DLG2: variants seen among roughly 807,000 people sequenced by gnomAD.
DLG2 encodes the protein discs large MAGUK scaffold protein 2, also known as disks large homolog 2.
DLG2 carries 45 observed loss-of-function variants against 132.5 expected under a neutral mutation model. That is an observed-to-expected ratio of 0.34 (90% confidence interval 0.27 to 0.44). The LOEUF is 0.44. DLG2 is among the 20% of genes least tolerant of loss of function. The pLI is 1.00. For missense variants in DLG2, 1,045 were observed against 1,196.9 expected (o/e 0.87, Z 1.87); for synonymous variants, 424 against 419.6 (o/e 1.01, Z -0.13).
At chr11:85,437,959 A>T (rs1164163722) in intron 3 of DLG2, among the ~76,000 whole-genome samples, 1 of 152,210 alleles carries the variant, frequency 6.6e-6, no homozygotes, top group Non-Finnish European at 1.5e-5. Context: ...CCTGATGCTG[A>T]GTAATTTATA....
chr11:85,242,850 T>C (rs890605851), intron 4 of DLG2, among the ~76,000 whole-genome samples: 2 of 151,992 alleles, frequency 1.3e-5, no homozygotes, highest in African/African-American at 4.8e-5. Context: ...TCCTTTTAAG[T>C]GTTTATGCTC....
intron 19 of DLG2, among the ~76,000 whole-genome samples, chr11:83,576,944 G>A (rs2096882633): frequency 6.6e-6 from 1 of 152,174 alleles, no homozygotes; most frequent in East Asian, 1.9e-4. Flanking sequence ...AATACTGAGT[G>A]TCAACTTGAT....
chr11:85,455,369 A>C lies in DLG2; in HGVS notation c.40+143288T>G, dbSNP rs533450486. On this transcript the variant is annotated intron_variant, in intron 3 of 27. Transcript: ENST00000376104. ...GAATGCTACAAATTTCTGTACATTG[A>C]TTTTGTATCCCAAAACTTTGCTGAA... 5.9e-5 allele frequency among the ~76,000 whole-genome samples: 9 copies of C among 152,268 alleles called. No homozygotes were observed. The East Asian group carries it at 1.7e-3, about 29-fold the overall frequency.
At chr11:84,910,974 G>T (rs1268176603) in intron 6 of DLG2, among the ~76,000 whole-genome samples, 1 of 152,100 alleles carries the variant, frequency 6.6e-6, no homozygotes, top group Non-Finnish European at 1.5e-5. Context: ...TAGATGGCAG[G>T]GTCTGGAAGG....
chr11:85,224,913 G>A (rs556280747), intron 4 of DLG2, among the ~76,000 whole-genome samples: 4 of 152,218 alleles, frequency 2.6e-5, no homozygotes, highest in East Asian at 3.9e-4. Context: ...ATTGGATAAT[G>A]TTACCCTACC....
chr11:83,525,786 G>A (rs2095594170), intron 21 of DLG2, among the ~76,000 whole-genome samples: 1 of 152,162 alleles, frequency 6.6e-6, no homozygotes, highest in South Asian at 2.1e-4. Context: ...TTTCTTTCGA[G>A]GGCAGTAATG....
intron 3 of DLG2, among the ~76,000 whole-genome samples, chr11:85,351,066 G>C (rs1019664943): frequency 6.6e-6 from 1 of 152,156 alleles, no homozygotes; most frequent in African/African-American, 2.4e-5. Flanking sequence ...CCATTTGTTT[G>C]TGTCCTCTTT....
chr11:85,548,888 G>A (rs1446801289), intron 3 of DLG2, among the ~76,000 whole-genome samples: 1 of 152,190 alleles, frequency 6.6e-6, no homozygotes, highest in Admixed American at 6.5e-5. Flanking sequence ...TGTGCTAGCA[G>A]TGAGAATTTC....
intron 6 of DLG2, among the ~76,000 whole-genome samples, chr11:85,041,316 A>G (rs1291107042): frequency 2.6e-5 from 4 of 151,958 alleles, no homozygotes; most frequent in East Asian, 1.9e-4. Context: ...ACTTATGAAA[A>G]TAAGTGCCTC....
intron 19 of DLG2, among the ~76,000 whole-genome samples, chr11:83,629,474 T>A (rs1023440072): frequency 2.0e-5 from 3 of 152,178 alleles, no homozygotes; most frequent in Non-Finnish European, 4.4e-5. Flanking sequence ...ATTTGCTTTT[T>A]TTCCTTGCCC....
chr11:84,626,936 A>G (rs774155463), intron 6 of DLG2, among the ~76,000 whole-genome samples: 2 of 150,850 alleles, frequency 1.3e-5, no homozygotes, highest in Admixed American at 6.7e-5. Context: ...CAGAGGCACA[A>G]TCTCAGCTCA....
intron 3 of DLG2, among the ~76,000 whole-genome samples, chr11:85,533,086 T>C (rs2075326650): frequency 6.6e-6 from 1 of 152,148 alleles, no homozygotes; most frequent in Admixed American, 6.5e-5. Flanking sequence ...TGCAATGGCA[T>C]GATCTCAGCT....
chr11:85,404,297 A>C (rs2088499758), intron 3 of DLG2, among the ~76,000 whole-genome samples: 3 of 152,004 alleles, frequency 2.0e-5, no homozygotes, highest in African/African-American at 7.2e-5. Context: ...AATTCAGAAG[A>C]GGACCAAAGA....
In DLG2 at chr11:85,361,350, G is replaced by C. The variant is rs977611751; in HGVS notation, c.41-75985C>G. The stretch of plus-strand genomic sequence containing the variant: ...TTTTATATACTTAGGGGGTACAAGT[G>C]CAGATTTCTTACATGCATACATTCT... On this transcript the variant is annotated intron_variant, in intron 3 of 27. Transcript: ENST00000376104. 3.3e-5 allele frequency among the ~76,000 whole-genome samples: 5 copies of C among 151,422 alleles called. No individual in the cohort carries two copies. The South Asian group carries it at 6.3e-4, about 19-fold the overall frequency.
chr11:84,424,725 T>C (rs2098961009), intron 7 of DLG2, among the ~76,000 whole-genome samples: 1 of 152,092 alleles, frequency 6.6e-6, no homozygotes, highest in Admixed American at 6.6e-5. Context: ...TAAGGCATTT[T>C]TTGGGGTGGG....
intron 3 of DLG2, among the ~76,000 whole-genome samples, chr11:85,303,423 T>A (rs2079733239): frequency 6.6e-6 from 1 of 152,212 alleles, no homozygotes; most frequent in Admixed American, 6.5e-5. Flanking sequence ...AATATTAGAA[T>A]ATGGGAACAT....
At chr11:85,090,417 A>C (rs898965985) in intron 6 of DLG2, among the ~76,000 whole-genome samples, 10 of 152,098 alleles carry the variant, frequency 6.6e-5, no homozygotes, top group African/African-American at 2.4e-4. Flanking sequence ...GACCTCCCTT[A>C]CTTCCTATTT....
chr11:84,666,881 C>T (rs1483369087), intron 6 of DLG2, among the ~76,000 whole-genome samples: 2 of 152,072 alleles, frequency 1.3e-5, no homozygotes, highest in South Asian at 2.1e-4. Context: ...TCCAAATTTA[C>T]ATGACACCCA....
chr11:83,973,940 A>T (rs2091793474), intron 12 of DLG2, among the ~76,000 whole-genome samples: 1 of 151,796 alleles, frequency 6.6e-6, no homozygotes, highest in Non-Finnish European at 1.5e-5. Context: ...TAATATTGGA[A>T]ATCCCTTTGT....
Sources: allele counts gnomAD v4.1 joint callset (sites outside exome capture counted in the v4.1 genomes callset), GRCh38; gene constraint gnomAD v4.1.1; transcripts MANE v1.5; gene names NCBI Gene and HGNC (gene_info 2026-07-23, HGNC 2026-07-21).